Variants in DNAH6 observed in about 807,000 individuals in gnomAD.
DNAH6 encodes dynein axonemal heavy chain 6, also known as axonemal beta dynein heavy chain 6.
In DNAH6, 340 loss-of-function variants were observed where a neutral mutation model predicts 491.4. The observed-to-expected ratio is 0.69, with a 90% CI of 0.63 to 0.76. The LOEUF is 0.76. Ranked by LOEUF, DNAH6 falls within the 30% of genes least tolerant of loss-of-function variation. The pLI, the probability that DNAH6 is intolerant of heterozygous loss-of-function variation, is 0.00. For synonymous variants in DNAH6, 1,603 were observed against 1,686.1 expected, an observed-to-expected ratio of 0.95 and a Z score of 1.21; for missense variants, 4,443 against 4,972.2, an observed-to-expected ratio of 0.89 and a Z score of 3.20.
At chr2:84,498,867 A>G in the DNAH6 span, among the ~76,000 whole-genome samples, 2 of 151,954 alleles carry the variant, frequency 1.3e-5, no homozygotes, top group African/African-American at 2.4e-5. Flanking sequence ...CATCTTCCCA[A>G]TTGTCACCAA....
chr2:84,706,860 TGGCCC>T (rs1696506822), intron 52 of DNAH6, 31 bp from the exon 53 acceptor site: 5 of 1,514,658 alleles, frequency 3.3e-6, no homozygotes, highest in Admixed American at 2.6e-5. Flanking sequence ...AGCCTTTTTT[TGGCCC>T]TGTTCTTAAA....
intron 11 of DNAH6, among the ~76,000 whole-genome samples, chr2:84,568,164 G>A (rs1466422299): frequency 6.6e-6 from 1 of 152,120 alleles, no homozygotes; most frequent in Non-Finnish European, 1.5e-5. Context: ...AGACAGTGTG[G>A]TGATTCCTCA....
At chr2:84,649,049 T>A (rs1188817234) in intron 33 of DNAH6, among the ~76,000 whole-genome samples, 1 of 152,218 alleles carries the variant, frequency 6.6e-6, no homozygotes, top group Non-Finnish European at 1.5e-5. Context: ...TAAGACCCTC[T>A]GCCAGCAAAA....
chr2:84,619,841 T>C lies in DNAH6; in HGVS notation c.3729T>C (p.Asp1243=), dbSNP rs1456549034. 7 of 1,551,292 alleles carry C rather than the reference T, an allele frequency of 4.5e-6. No individual in the cohort carries two copies. The highest frequency in any genetic ancestry group is 6.1e-6 in the Non-Finnish European group (7 of 1,146,814). Residue 1243 remains aspartate (D), a synonymous_variant, in exon 24 of 77, where the codon GAT becomes GAC. Transcript: ENST00000389394. Reference sequence around the variant, plus strand: ...CCGAAGGAAAGATTCCTGGTATTGATGGAGAACCAGAAAAGGTTTATACTA... The same window carrying C: ...CCGAAGGAAAGATTCCTGGTATTGACGGAGAACCAGAAAAGGTTTATACTA... ...PPAEGKIPGI[D]GEPEKVYTND...
chr2:84,628,791 AT>A (rs200016316), intron 29 of DNAH6, among the ~76,000 whole-genome samples: 112 of 152,188 alleles, frequency 7.4e-4, no homozygotes, highest in African/African-American at 2.3e-3. Context: ...GTTCTCTCCC[AT>A]TTTAAAAAAA....
chr2:84,584,470 T>C (rs1299054274), intron 15 of DNAH6: 1 of 500,674 alleles, frequency 2.0e-6, no homozygotes, highest in East Asian at 3.7e-5. Flanking sequence ...AAGACTACTC[T>C]TCAAACCATT....
At chr2:84,656,104 G>T (rs1441551331) in intron 35 of DNAH6, among the ~76,000 whole-genome samples, 1 of 151,970 alleles carries the variant, frequency 6.6e-6, no homozygotes, top group Non-Finnish European at 1.5e-5. Flanking sequence ...ATTCATTTAA[G>T]ATACTTCCAT....
At chr2:84,509,092 T>C in the DNAH6 span, among the ~76,000 whole-genome samples, 1 of 152,214 alleles carries the variant, frequency 6.6e-6, no homozygotes, top group African/African-American at 2.4e-5. Flanking sequence ...GTCCACTTGG[T>C]GCAGAGCTGA....
chr2:84,606,859 T>A, intron 20 of DNAH6, 117 bp from the exon 21 acceptor site: 1 of 1,045,056 alleles, frequency 9.6e-7, no homozygotes, highest in Non-Finnish European at 1.4e-6. Context: ...TAAGAGGGGC[T>A]AAGCTATTAA....
At position 84,525,650 on chromosome 2, in the gene DNAH6, T is replaced by C; in HGVS notation, c.311T>C (p.Ile104Thr). 1 of 1,550,744 alleles carries C rather than the reference T, an allele frequency of 6.4e-7. No individual in the cohort carries two copies. Among genetic ancestry groups the C allele is most frequent in the Admixed American group, 2.0e-5 (1 of 50,930 alleles). The change falls in exon 3 of 77, where the codon ATT (isoleucine) becomes ACT (threonine). Residue 104 changes from isoleucine to threonine, a missense_variant. Coordinates refer to ENST00000389394, the MANE Select transcript of DNAH6 (RefSeq NM_001370.2). ...TTTCAGTTAATGACTGCAGGAATCA[T>C]TAAACGTCCAGTAAGCATAGCAAAA... ...NRFQLMTAGI[I>T]KRPVSIAKKS...
intron 71 of DNAH6, among the ~76,000 whole-genome samples, chr2:84,806,647 T>C (rs1679441276): frequency 7.4e-6 from 1 of 135,172 alleles, no homozygotes; most frequent in Non-Finnish European, 1.7e-5. Flanking sequence ...AAAAAAGGTC[T>C]TCCTGAATGA....
intron 11 of DNAH6, among the ~76,000 whole-genome samples, chr2:84,570,997 G>C (rs752829484): frequency 3.0e-4 from 46 of 152,032 alleles, no homozygotes; most frequent in African/African-American, 1.1e-3. Flanking sequence ...TGAGAGTCCG[G>C]GGCTTCATTC....
At chr2:84,693,137 T>C (rs1695034634) in intron 45 of DNAH6, among the ~76,000 whole-genome samples, 2 of 152,186 alleles carry the variant, frequency 1.3e-5, no homozygotes, top group African/African-American at 4.8e-5. Flanking sequence ...CTTCTTCTCA[T>C]TCCTGTAATT....
chr2:84,687,689 C>T (rs1180742734), intron 44 of DNAH6, among the ~76,000 whole-genome samples: 1 of 152,046 alleles, frequency 6.6e-6, no homozygotes, highest in Non-Finnish European at 1.5e-5. Context: ...TTTAGTAAAA[C>T]ATTCCAGGAG....
At chr2:84,624,692 T>G in intron 28 of DNAH6, 72 bp downstream of exon 28, 1 of 1,465,810 alleles carries the variant, frequency 6.8e-7, no homozygotes, top group Non-Finnish European at 9.2e-7. Flanking sequence ...AAAAGTTTCA[T>G]ATGACATTAA....
At chr2:84,686,092 G>A (rs796406799) in intron 43 of DNAH6, among the ~76,000 whole-genome samples, 148 of 151,924 alleles carry the variant, frequency 9.7e-4, no homozygotes, top group African/African-American at 3.4e-3. Flanking sequence ...GGAGGCTGAG[G>A]CAAGAGAATC....
chr2:84,749,927 T>G (rs1673304822), intron 63 of DNAH6, among the ~76,000 whole-genome samples: 1 of 152,216 alleles, frequency 6.6e-6, no homozygotes, highest in South Asian at 2.1e-4. Context: ...ATGAAGTTTA[T>G]AGATTAGAAG....
intron 22 of DNAH6, 131 bp from the exon 23 acceptor site, chr2:84,616,755 T>C: frequency 2.1e-6 from 1 of 481,286 alleles, no homozygotes; most frequent in Non-Finnish European, 3.7e-6. Context: ...AGCATATTTT[T>C]ATAAGAGTTT....
At chr2:84,514,861 CCA>C (rs145536109), upstream of DNAH6, among the ~76,000 whole-genome samples, 2,106 of 43,584 alleles carry the variant, frequency 0.048, 48 homozygotes, top group African/African-American at 0.18. Context: ...CCCCACTTCA[CCA>C]CAGTCACACA....
Sources: gnomAD v4.1 joint callset for allele counts (sites outside exome capture counted in the v4.1 genomes callset) on GRCh38, gnomAD v4.1.1 for gene constraint, MANE v1.5 for transcripts, NCBI Gene and HGNC (gene_info 2026-07-23, HGNC 2026-07-21) for gene names.